CDH23: variants seen among roughly 807,000 people sequenced by gnomAD.
CDH23 encodes the protein cadherin-23.
In CDH23, 189 loss-of-function variants were observed where a neutral mutation model predicts 317.1. The observed-to-expected ratio is 0.60, with a 90% CI of 0.53 to 0.67. The LOEUF (loss-of-function observed/expected upper bound fraction) is 0.67. CDH23 is among the 30% of genes least tolerant of loss of function. The pLI is 0.00. For synonymous variants in CDH23, 1,839 were observed against 1,876.8 expected (o/e 0.98, Z 0.52); for missense variants, 4,401 against 4,592.4 (o/e 0.96, Z 1.20).
intron 43 of CDH23, 38 bp downstream of exon 43, chr10:71,785,138 T>C: frequency 6.4e-7 from 1 of 1,566,694 alleles, no homozygotes; most frequent in Non-Finnish European, 8.7e-7. Context: ...TTCCCAGGGT[T>C]TCCAGTGAAA....
At chr10:71,694,295 T>C (rs1221752050) in intron 21 of CDH23, 36 bp downstream of exon 21, 1 of 1,528,228 alleles carries the variant, frequency 6.5e-7, no homozygotes, top group Non-Finnish European at 9.0e-7. Flanking sequence ...CAGCTCCCCC[T>C]CGCCGGCCAG....
intron 28 of CDH23, chr10:71,713,355 G>A (rs1005890768): frequency 4.0e-6 from 3 of 757,172 alleles, no homozygotes; most frequent in Admixed American, 1.8e-5. Flanking sequence ...TCTGCCCAGA[G>A]GCCTCAGTTG....
At chr10:71,515,527 AT>A (rs200757723) in intron 6 of CDH23, among the ~76,000 whole-genome samples, 40 of 147,026 alleles carry the variant, frequency 2.7e-4, no homozygotes, top group Middle Eastern at 3.5e-3. Context: ...GATCTGCCCA[AT>A]TTTTTTTTTT....
At chr10:71,638,793 G>A (rs76766805) in intron 11 of CDH23, among the ~76,000 whole-genome samples, 2,303 of 152,326 alleles carry the variant, frequency 0.015, 55 homozygotes, top group African/African-American at 0.053. Flanking sequence ...GACTCAGGTC[G>A]GCTGGCTCTG....
intron 3 of CDH23, among the ~76,000 whole-genome samples, chr10:71,491,829 G>A (rs1240404527): frequency 6.6e-6 from 1 of 152,182 alleles, no homozygotes; most frequent in Non-Finnish European, 1.5e-5. Flanking sequence ...TGAGCAATTG[G>A]AGGGCACTTG....
chr10:71,555,296 G>A (rs1364906601), intron 6 of CDH23, among the ~76,000 whole-genome samples: 1 of 152,164 alleles, frequency 6.6e-6, no homozygotes, highest in Non-Finnish European at 1.5e-5. Context: ...GGGCCAGGGT[G>A]GGTATCAGGG....
At chr10:71,561,317 C>T (rs141540085) in intron 6 of CDH23, among the ~76,000 whole-genome samples, 1 of 151,984 alleles carries the variant, frequency 6.6e-6, no homozygotes, top group East Asian at 1.9e-4. Flanking sequence ...TCCTCCCTGC[C>T]CCCCTTTCTT....
At chr10:71,698,092 A>T (rs548306056) in intron 22 of CDH23, among the ~76,000 whole-genome samples, 66 of 152,350 alleles carry the variant, frequency 4.3e-4, no homozygotes, top group African/African-American at 1.1e-3. Flanking sequence ...ACATTCGAGG[A>T]CAAATTGGAG....
Position 71,682,438 on chromosome 10 carries a change from AT to A in CDH23, c.1859-5del. On this transcript the variant is annotated splice_region_variant and splice_polypyrimidine_tract_variant and intron_variant, in intron 17 of 69. Coordinates refer to ENST00000224721, the MANE Select transcript of CDH23 (RefSeq NM_022124.6). ...CAGAGGGATCTGGCCTGTTCCTGTCATTGCAGTGATCAGCGTCAGTCGCCCC... is the reference window on the plus strand; with the variant it reads ...CAGAGGGATCTGGCCTGTTCCTGTCATGCAGTGATCAGCGTCAGTCGCCCC... 1 of 1,611,406 alleles carries A rather than the reference AT, an allele frequency of 6.2e-7. No homozygotes were observed. The highest frequency in any genetic ancestry group is 8.5e-7 in the Non-Finnish European group (1 of 1,178,768).
intron 20 of CDH23, among the ~76,000 whole-genome samples, chr10:71,693,635 T>C (rs1865267011): frequency 6.6e-6 from 1 of 152,218 alleles, no homozygotes; most frequent in Non-Finnish European, 1.5e-5. Flanking sequence ...TGCCTGGCAC[T>C]GTTCTAAGAT....
intron 41 of CDH23, among the ~76,000 whole-genome samples, chr10:71,782,166 T>G (rs1035951820): frequency 2.6e-5 from 4 of 152,188 alleles, no homozygotes; most frequent in Non-Finnish European, 5.9e-5. Flanking sequence ...AGCTGTGTGC[T>G]CAAAGAAGAG....
intron 20 of CDH23, among the ~76,000 whole-genome samples, chr10:71,692,161 G>T (rs895524872): frequency 6.6e-6 from 1 of 152,202 alleles, no homozygotes; most frequent in Admixed American, 6.5e-5. Flanking sequence ...AGATGAGGAA[G>T]CTGAGCCACT....
rs397517340 is a variant in CDH23 at position 71,785,048 on chromosome 10, C to T, written c.5660C>T (p.Thr1887Ile). The change falls in exon 43 of 70, where the codon ACC (threonine) becomes ATC (isoleucine). Residue 1887 changes from threonine to isoleucine, a missense_variant. Thr to Ile is a moderately conservative substitution (Grantham distance 89, BLOSUM62 -1). Coordinates refer to ENST00000224721, the MANE Select transcript of CDH23 (RefSeq NM_022124.6). ...DADSGCNARL[T>I]FNITAGNRER... ...GACAGTGGCTGCAATGCACGCCTCA[C>T]CTTCAACATCACTGCGGGCAACCGC... The T allele has an allele frequency of 1.6e-3, 2,520 of 1,614,108 alleles. 67 individuals are homozygous for T. The South Asian group carries it at 0.026, about 17-fold the overall frequency.
chr10:71,439,512 T>A (rs540875120), intron 1 of CDH23, among the ~76,000 whole-genome samples: 2 of 152,274 alleles, frequency 1.3e-5, no homozygotes, highest in East Asian at 3.9e-4. Context: ...GCCTAGAATA[T>A]GTCACTCTTT....
rs776230069 is a variant in CDH23 at position 71,759,846 on chromosome 10, C to CACACACACACATAT, written c.4846-17833_4846-17832insCACACACACATATA. Among the ~76,000 whole-genome samples, 110 of 59,956 alleles carry CACACACACACATAT rather than the reference C, an allele frequency of 1.8e-3. 7 individuals are homozygous for CACACACACACATAT. Among genetic ancestry groups the CACACACACACATAT allele is most frequent in the East Asian group, 7.3e-3 (9 of 1,232 alleles). 39.3% of individuals were successfully genotyped at this position (59,956 alleles called of 152,430 possible). A position where few individuals can be genotyped will look rare whatever the true frequency, so the allele number is the denominator to read the frequency against. ...ACACACACACACACACACACACACA[C>CACACACACACATAT]ATATACACACACACACACATATATA... On this transcript the variant is annotated intron_variant, in intron 38 of 69. Coordinates refer to ENST00000224721, the MANE Select transcript of CDH23 (RefSeq NM_022124.6).
At chr10:71,764,734 A>C (rs879885091) in intron 38 of CDH23, among the ~76,000 whole-genome samples, 4 of 152,168 alleles carry the variant, frequency 2.6e-5, no homozygotes, top group Admixed American at 2.0e-4. Context: ...TCCTGTGGAC[A>C]TTTGAGTTTG....
Position 71,790,291 on chromosome 10 carries a change from C to T in CDH23, c.5927C>T (p.Thr1976Ile), listed in dbSNP as rs751719267. Reference protein sequence around the residue: ...AEVMENSPAGTPLTVLNGPIL... With the variant: ...AEVMENSPAGIPLTVLNGPIL... Reference sequence around the variant, plus strand: ...GACCCCTCTCCTTCTGGCCCAGGCACCCCTCTCACGGTGCTCAATGGGCCC... The same window carrying T: ...GACCCCTCTCCTTCTGGCCCAGGCATCCCTCTCACGGTGCTCAATGGGCCC... The change falls in exon 46 of 70, where the codon ACC becomes ATC. Residue 1976 changes from threonine (T) to isoleucine (I), a missense_variant. This residue lies in a region of CDH23 where 3,068 missense variants were observed against 3,203.3 expected (regional missense o/e 0.96). Coordinates refer to ENST00000224721, the MANE Select transcript of CDH23 (RefSeq NM_022124.6). 1.9e-6 allele frequency: 3 copies of T among 1,613,632 alleles called. No individual in the cohort carries two copies. In the South Asian group the frequency reaches 3.3e-5, roughly 18 times the overall value.
At chr10:71,789,114 TC>T in intron 45 of CDH23, 72 bp downstream of exon 45, 1 of 785,658 alleles carries the variant, frequency 1.3e-6, no homozygotes, top group South Asian at 1.4e-5. Flanking sequence ...CCTGAGGACC[TC>T]CCTTATGCCT....
In CDH23 at chr10:71,510,597, A is replaced by G. The variant is rs529861594; in HGVS notation, c.289-357A>G. Among the ~76,000 whole-genome samples, 160 of 152,212 alleles carry G rather than the reference A, an allele frequency of 1.1e-3. 1 individual carries two copies. The highest frequency in any genetic ancestry group is 3.7e-3 in the African/African-American group (152 of 41,538). On this transcript the variant is annotated intron_variant, in intron 4 of 69. Coordinates refer to ENST00000224721, the MANE Select transcript of CDH23 (RefSeq NM_022124.6). ...CGGCATGGTAGCCCTTAGCAAGTTAAGGTAAAGACGTGAACACATCCCCAA... is the reference window on the plus strand; with the variant it reads ...CGGCATGGTAGCCCTTAGCAAGTTAGGGTAAAGACGTGAACACATCCCCAA...
Sources: gnomAD v4.1 joint callset for allele counts (sites outside exome capture counted in the v4.1 genomes callset) on GRCh38, gnomAD v4.1.1 for gene constraint, gnomAD v4.1.1 regional missense constraint, MANE v1.5 for transcripts, NCBI Gene and HGNC (gene_info 2026-07-23, HGNC 2026-07-21) for gene names.